The following NOX3 variants were observed in gnomAD, a reference collection of about 807,000 sequenced individuals.
NOX3 encodes the protein NADPH oxidase 3, also known as NADPH oxidase catalytic subunit-like 3.
A neutral mutation model predicts 76.7 loss-of-function variants in NOX3; 74 were observed. The observed-to-expected ratio is 0.96, with a 90% CI of 0.80 to 1.17. The LOEUF (loss-of-function observed/expected upper bound fraction) is 1.17, where lower values mean the gene tolerates loss of function less well. Among genes scored for constraint, NOX3 ranks in the 50% most tolerant of loss-of-function variants. The pLI is 0.00. For missense variants in NOX3, 695 were observed against 703.3 expected (o/e 0.99, Z 0.13); for synonymous variants, 263 against 261.1 (o/e 1.01, Z -0.07).
rs773941631 is a variant in NOX3, at chr6:155,428,796, T to G, written c.1143A>C (p.Pro381=). Residue 381 remains proline (P), a splice_region_variant and synonymous_variant, in exon 9 of 14, where the codon CCA becomes CCC. Coordinates refer to ENST00000159060, the MANE Select transcript of NOX3 (RefSeq NM_015718.3). ...ACATGAGAGAAATGGGCACGAACCT[T>G]GGCAGGCTCCAGGGCTCCTGGAGGG... ...GQALQEPWSL[P]RLAVDGPFGT... is the part of the protein sequence containing the mutation. 4.1e-5 allele frequency: 61 copies of G among 1,492,060 alleles called. No individual in the cohort carries two copies. The highest frequency in any genetic ancestry group is 5.3e-5 in the Non-Finnish European group (59 of 1,117,208). The allele number at this position is 1,492,060 out of a possible 1,614,324, so 92.4% of individuals were successfully genotyped here.
At position 155,407,165 on chromosome 6, in the gene NOX3, G is replaced by C; in HGVS notation, c.1545C>G (p.Asn515Lys). The C allele has an allele frequency of 6.2e-7, 1 of 1,614,054 alleles. No individual in the cohort carries two copies. Among genetic ancestry groups the C allele is most frequent in the Non-Finnish European group, 8.5e-7 (1 of 1,179,986 alleles). The change falls in exon 12 of 14, where the codon AAC becomes AAG. Residue 515 changes from asparagine to lysine, a missense_variant. Coordinates refer to ENST00000159060, the MANE Select transcript of NOX3 (RefSeq NM_015718.3). Reference sequence around the variant, plus strand: ...TGTAGGCAATCTGCTTGAACTCATTGTTCCAGTTGGGCCTCCCATAGAAGG... The same window carrying C: ...TGTAGGCAATCTGCTTGAACTCATTCTTCCAGTTGGGCCTCCCATAGAAGG... Reference protein sequence around the residue: ...QKTFYGRPNWNNEFKQIAYNH... With the variant: ...QKTFYGRPNWKNEFKQIAYNH...
chr6:155,400,970 GA>G (rs1779217560), intron 12 of NOX3, among the ~76,000 whole-genome samples: 1 of 152,158 alleles, frequency 6.6e-6, no homozygotes, highest in African/African-American at 2.4e-5. Context: ...AAATGGGGAA[GA>G]AAAATGAAAG....
intron 4 of NOX3, among the ~76,000 whole-genome samples, chr6:155,450,067 G>T (rs894386410): frequency 6.6e-6 from 1 of 152,212 alleles, no homozygotes; most frequent in Non-Finnish European, 1.5e-5. Flanking sequence ...CATTTGCAGG[G>T]AGTGGAAACA....
At chr6:155,427,394 T>A (rs1432291128) in intron 9 of NOX3, among the ~76,000 whole-genome samples, 1 of 152,260 alleles carries the variant, frequency 6.6e-6, no homozygotes, top group East Asian at 1.9e-4. Context: ...GTACCTTGTT[T>A]GTCACCAATA....
At chr6:155,419,007 T>A (rs1315414532) in intron 10 of NOX3, among the ~76,000 whole-genome samples, 4 of 152,256 alleles carry the variant, frequency 2.6e-5, no homozygotes, top group African/African-American at 9.6e-5. Flanking sequence ...GAGGACAATC[T>A]GAAAACTATA....
rs1479673834 is a variant in NOX3, at chr6:155,407,112, A to C, written c.1580+18T>G. The C allele has an allele frequency of 1.9e-6, 3 of 1,613,662 alleles. No homozygotes were observed. In the African/African-American group the frequency reaches 4.0e-5, roughly 22 times the overall value. On this transcript the variant is annotated intron_variant, in intron 12 of 13. Coordinates refer to ENST00000159060, the MANE Select transcript of NOX3 (RefSeq NM_015718.3). ...CAGAGAAGAGCCTGGCAGGGAGAGG[A>C]GCAAGAGCTTGCCTTACCTGGGGTG...
chr6:155,448,620 GC>G (rs1777094781), intron 4 of NOX3, among the ~76,000 whole-genome samples: 1 of 137,074 alleles, frequency 7.3e-6, no homozygotes, highest in Non-Finnish European at 1.5e-5. Context: ...CAAATAAGGA[GC>G]TTTCCATTGA....
chr6:155,415,704 T>G (rs1159924005), intron 10 of NOX3, among the ~76,000 whole-genome samples: 7 of 152,214 alleles, frequency 4.6e-5, no homozygotes, highest in African/African-American at 1.7e-4. Flanking sequence ...CCAACCTAGA[T>G]TACTGCGTAT....
chr6:155,441,176 A>C (rs913761157), intron 5 of NOX3, among the ~76,000 whole-genome samples: 1 of 152,188 alleles, frequency 6.6e-6, no homozygotes, highest in African/African-American at 2.4e-5. Flanking sequence ...ATTAGTATTC[A>C]TACATTGTGT....
intron 10 of NOX3, among the ~76,000 whole-genome samples, chr6:155,414,481 A>C (rs1776597567): frequency 6.6e-6 from 1 of 152,136 alleles, no homozygotes; most frequent in African/African-American, 2.4e-5. Flanking sequence ...CAGAGACCAA[A>C]AATACCTGAG....
At chr6:155,415,152 A>T (rs1776608209) in intron 10 of NOX3, among the ~76,000 whole-genome samples, 1 of 152,088 alleles carries the variant, frequency 6.6e-6, no homozygotes, top group Non-Finnish European at 1.5e-5. Flanking sequence ...TCTCATTTTC[A>T]TGTTTTCCCA....
rs1777193775 is a variant in NOX3 at position 155,454,928 on chromosome 6, A to C, written c.145-7T>G. On this transcript the variant is annotated splice_region_variant and splice_polypyrimidine_tract_variant and intron_variant, in intron 2 of 13. Transcript: ENST00000159060. The stretch of plus-strand genomic sequence containing the variant: ...GTGCCCAAGCCAGTGTTGACTGTCC[A>C]CATGTAAAGACATAAAAAAGAGATT... The C allele has an allele frequency of 6.3e-7, 1 of 1,599,058 alleles. No individual in the cohort carries two copies. Among genetic ancestry groups the C allele is most frequent in the Non-Finnish European group, 8.6e-7 (1 of 1,168,956 alleles).
Position 155,422,623 on chromosome 6 carries a change from C to G in NOX3, c.1308+71G>C. 3 of 1,414,498 alleles carry G rather than the reference C, an allele frequency of 2.1e-6. No homozygotes were observed. In the Admixed American group the frequency reaches 5.7e-5, roughly 27 times the overall value. 87.6% of individuals were successfully genotyped at this position (1,414,498 alleles called of 1,614,324 possible). On this transcript the variant is annotated intron_variant, in intron 10 of 13. Coordinates refer to ENST00000159060, the MANE Select transcript of NOX3 (RefSeq NM_015718.3). ...GTTAATTAAAATCCTCCCCAAGAAT[C>G]GGCAGATGATAGATATAAGGACATT...
intron 10 of NOX3, among the ~76,000 whole-genome samples, chr6:155,419,318 T>C (rs139567361): frequency 6.6e-6 from 1 of 152,308 alleles, no homozygotes; most frequent in South Asian, 2.1e-4. Context: ...CATGAAAACC[T>C]CACTTCTTCC....
chr6:155,431,742 A>G (rs1307214311), intron 7 of NOX3, among the ~76,000 whole-genome samples: 1 of 152,222 alleles, frequency 6.6e-6, no homozygotes, highest in African/African-American at 2.4e-5. Context: ...GAACAATCCC[A>G]TGAGGCATAT....
intron 4 of NOX3, among the ~76,000 whole-genome samples, chr6:155,451,959 T>C (rs1226855166): frequency 6.6e-6 from 1 of 152,154 alleles, no homozygotes; most frequent in East Asian, 1.9e-4. Context: ...GCTGGCTGTT[T>C]TTTTCCCCCT....
chr6:155,412,726 A>G (rs1191193408), intron 10 of NOX3, among the ~76,000 whole-genome samples: 1 of 152,108 alleles, frequency 6.6e-6, no homozygotes, highest in South Asian at 2.1e-4. Context: ...CACCCTCTGA[A>G]TCCCCATGAG....
chr6:155,428,229 C>T (rs894910623), intron 9 of NOX3, among the ~76,000 whole-genome samples: 1 of 152,196 alleles, frequency 6.6e-6, no homozygotes, highest in Non-Finnish European at 1.5e-5. Context: ...TTGAGTGTGT[C>T]CCCCATTGAT....
intron 10 of NOX3, among the ~76,000 whole-genome samples, chr6:155,413,908 C>T (rs1776588155): frequency 6.6e-6 from 1 of 152,186 alleles, no homozygotes; most frequent in African/African-American, 2.4e-5. Context: ...CAAATCTAGT[C>T]CCAGTCGTCC....
Sources: gnomAD v4.1 joint callset for allele counts (sites outside exome capture counted in the v4.1 genomes callset) on GRCh38, gnomAD v4.1.1 for gene constraint, MANE v1.5 for transcripts, NCBI Gene and HGNC (gene_info 2026-07-23, HGNC 2026-07-21) for gene names.